NOS1AP: variants seen among roughly 807,000 people sequenced by gnomAD.
NOS1AP encodes the protein nitric oxide synthase 1 adaptor protein.
NOS1AP carries 21 observed loss-of-function variants against 56.2 expected under a neutral mutation model. That is an observed-to-expected ratio of 0.37 (90% CI 0.26 to 0.54). The LOEUF (loss-of-function observed/expected upper bound fraction) is 0.54. Among genes scored for constraint, NOS1AP ranks in the 20% least tolerant of loss-of-function variants. The pLI, the probability that NOS1AP is intolerant of heterozygous loss-of-function variation, is 0.84. For synonymous variants in NOS1AP, 270 were observed against 274.6 expected (o/e 0.98, Z 0.17); for missense variants, 522 against 657.8 (o/e 0.79, Z 2.26).
At chr1:162,364,748 G>A in intron 8 of NOS1AP, 11 of 987,362 alleles carry the variant, frequency 1.1e-5, no homozygotes, top group Non-Finnish European at 1.2e-5. Context: ...CTAGATGTCT[G>A]CCATAGCAAA....
rs769423337 is a variant in NOS1AP at position 162,367,492 on chromosome 1, C to G, written c.*25C>G. On this transcript the variant is annotated 3_prime_UTR_variant, in exon 10 of 10. Transcript: ENST00000361897. This position sits in a 1 kb window ranked among gnomAD's most constrained non-coding sequence, Gnocchi z 6.5. Reference sequence around the variant, plus strand: ...GGTGCCGAGGGCGAGGAGATGGAGGCGGCGGCGTGGCTGGAGGGGCCGTGT... The same window carrying G: ...GGTGCCGAGGGCGAGGAGATGGAGGGGGCGGCGTGGCTGGAGGGGCCGTGT... 64 of 1,529,732 alleles carry G rather than the reference C, an allele frequency of 4.2e-5. No homozygotes were observed. The highest frequency in any genetic ancestry group is 5.5e-5 in the Non-Finnish European group (62 of 1,137,022). The allele number at this position is 1,529,732 out of a possible 1,614,324, so 94.8% of individuals were successfully genotyped here. A position where few individuals can be genotyped will look rare whatever the true frequency, so the allele number is the denominator to read the frequency against.
At chr1:162,365,664 C>A in intron 9 of NOS1AP, 95 bp downstream of exon 9, 1 of 1,451,244 alleles carries the variant, frequency 6.9e-7, no homozygotes, top group South Asian at 1.2e-5. Flanking sequence ...TCTTGGACCC[C>A]TGACCTACCC....
At chr1:162,263,816 C>G (rs78710350) in intron 2 of NOS1AP, among the ~76,000 whole-genome samples, 2,203 of 152,318 alleles carry the variant, frequency 0.014, 50 homozygotes, top group African/African-American at 0.05. Flanking sequence ...TTACCTTACT[C>G]CATAAATCTG....
At chr1:162,320,599 T>G (rs1047972455) in intron 4 of NOS1AP, among the ~76,000 whole-genome samples, 1 of 152,260 alleles carries the variant, frequency 6.6e-6, no homozygotes, top group South Asian at 2.1e-4. Flanking sequence ...CTCACGCCTG[T>G]AATCCCAGCA....
intron 2 of NOS1AP, among the ~76,000 whole-genome samples, chr1:162,269,363 A>G (rs1654516554): frequency 1.3e-5 from 2 of 152,264 alleles, no homozygotes; most frequent in South Asian, 2.1e-4. Flanking sequence ...GAGTTGAGAT[A>G]TAAAGAGGTG....
Position 162,121,302 on chromosome 1 carries a change from A to G in NOS1AP, c.106-33103A>G, listed in dbSNP as rs528226065. ...GCCACCACACCCGGCTAATTTCTGT[A>G]TTTTTAGTGGAGACGGGGTTTGGCC... is the stretch of plus-strand genomic sequence containing the variant. On this transcript the variant is annotated intron_variant, in intron 1 of 9. Transcript: ENST00000361897. 5.9e-5 allele frequency among the ~76,000 whole-genome samples: 9 copies of G among 151,638 alleles called. No individual in the cohort carries two copies. In the South Asian group the frequency reaches 1.0e-3, roughly 18 times the overall value.
chr1:162,102,496 G>T (rs758048074), intron 1 of NOS1AP, among the ~76,000 whole-genome samples: 8 of 152,128 alleles, frequency 5.3e-5, no homozygotes, highest in Non-Finnish European at 1.2e-4. Flanking sequence ...CTTTTCAATT[G>T]TTTGGAATAG....
chr1:162,170,455 A>G (rs1650712351), intron 2 of NOS1AP, among the ~76,000 whole-genome samples: 1 of 152,220 alleles, frequency 6.6e-6, no homozygotes. Flanking sequence ...TCAACTAGTA[A>G]GCCACATGGC....
intron 1 of NOS1AP, among the ~76,000 whole-genome samples, chr1:162,096,504 T>C (rs1692243699): frequency 6.6e-6 from 1 of 152,176 alleles, no homozygotes; most frequent in African/African-American, 2.4e-5. Flanking sequence ...AGAAAAAATA[T>C]GTATAATTGA....
chr1:162,275,383 G>A (rs1372928537), intron 2 of NOS1AP, among the ~76,000 whole-genome samples: 4 of 152,096 alleles, frequency 2.6e-5, no homozygotes, highest in Non-Finnish European at 5.9e-5. Context: ...TCACCATGTT[G>A]GCCAGGCTGG....
At chr1:162,099,199 T>TG (rs1177957145) in intron 1 of NOS1AP, among the ~76,000 whole-genome samples, 2 of 150,658 alleles carry the variant, frequency 1.3e-5, no homozygotes, top group Non-Finnish European at 3.0e-5. Flanking sequence ...TTTTTTTTGT[T>TG]TTTTTTTTTT....
At chr1:162,151,480 A>T (rs1571067620) in intron 1 of NOS1AP, among the ~76,000 whole-genome samples, 2 of 152,278 alleles carry the variant, frequency 1.3e-5, no homozygotes, top group East Asian at 1.9e-4. Context: ...TTTGCTCAGG[A>T]TAACTTTAGC....
chr1:162,278,348 C>T (rs1223878703), intron 2 of NOS1AP, among the ~76,000 whole-genome samples: 4 of 152,170 alleles, frequency 2.6e-5, no homozygotes, highest in Admixed American at 6.5e-5. Flanking sequence ...CTCAAGGTCA[C>T]GTAGCTAAGA....
intron 2 of NOS1AP, among the ~76,000 whole-genome samples, chr1:162,255,350 C>A (rs1179680590): frequency 8.5e-5 from 13 of 152,104 alleles, no homozygotes; most frequent in Non-Finnish European, 7.4e-5. Context: ...TGGCCCTGGC[C>A]AAACTGAATT....
At chr1:162,257,449 G>A (rs1052378643) in intron 2 of NOS1AP, among the ~76,000 whole-genome samples, 4 of 152,086 alleles carry the variant, frequency 2.6e-5, no homozygotes, top group African/African-American at 9.7e-5. Context: ...GGGAGTTTGA[G>A]ACTAGCCTGG....
intron 1 of NOS1AP, among the ~76,000 whole-genome samples, chr1:162,107,788 A>G (rs938696788): frequency 1.3e-5 from 2 of 152,248 alleles, no homozygotes; most frequent in Non-Finnish European, 2.9e-5. Flanking sequence ...ATTTGATTGT[A>G]TATCCCTATC....
At chr1:162,323,221 A>G (rs1656475976) in intron 4 of NOS1AP, among the ~76,000 whole-genome samples, 2 of 152,228 alleles carry the variant, frequency 1.3e-5, no homozygotes, top group African/African-American at 4.8e-5. Context: ...GCGGGAGCAG[A>G]CTAGAGTGAC....
intron 4 of NOS1AP, 32 bp downstream of exon 4, chr1:162,300,738 C>A: frequency 6.2e-7 from 1 of 1,602,274 alleles, no homozygotes; most frequent in Non-Finnish European, 8.6e-7. Context: ...CAAGATATCA[C>A]TGAGCCCCAG....
At chr1:162,232,228 G>C (rs1399674712) in intron 2 of NOS1AP, among the ~76,000 whole-genome samples, 1 of 152,172 alleles carries the variant, frequency 6.6e-6, no homozygotes, top group African/African-American at 2.4e-5. Flanking sequence ...AGTTTGAAAG[G>C]TCATGACTGG....
Sources: gnomAD v4.1 joint callset for allele counts (sites outside exome capture counted in the v4.1 genomes callset) on GRCh38, gnomAD v4.1.1 for gene constraint, Gnocchi (gnomAD v3.1) non-coding constraint, MANE v1.5 for transcripts, NCBI Gene and HGNC (gene_info 2026-07-23, HGNC 2026-07-21) for gene names.